The following CTDNEP1 variants were observed in gnomAD, a reference collection of about 807,000 sequenced individuals.
CTDNEP1 encodes C-terminal domain nuclear envelope phosphatase 1.
CTDNEP1 carries 3 observed loss-of-function variants against 30.1 expected under a neutral mutation model. The observed-to-expected ratio is 0.10, with a 90% CI of 0.05 to 0.26. CTDNEP1 has a LOEUF of 0.26. Among genes scored for constraint, CTDNEP1 ranks in the 10% least tolerant of loss-of-function variants. CTDNEP1 has a pLI of 1.00. For synonymous variants in CTDNEP1, 123 were observed against 118.8 expected, an observed-to-expected ratio of 1.04 and a Z score of -0.23; for missense variants, 158 against 310.4, an observed-to-expected ratio of 0.51 and a Z score of 3.69.
At chr17:7,244,430 C>A in intron 7 of CTDNEP1, 121 bp downstream of exon 7, 1 of 1,238,852 alleles carries the variant, frequency 8.1e-7, no homozygotes, top group Non-Finnish European at 1.2e-6. Context: ...GACCTGGGTC[C>A]AAATGTTAAA....
intron 1 of CTDNEP1, among the ~76,000 whole-genome samples, chr17:7,249,644 G>A (rs1391663965): frequency 1.3e-5 from 2 of 152,208 alleles, no homozygotes; most frequent in African/African-American, 4.8e-5. Context: ...GAGGCCGGGT[G>A]CAGTGGCTCA....
In CTDNEP1 at chr17:7,246,238, T is replaced by A; in HGVS notation, c.477+16A>T. On this transcript the variant is annotated intron_variant, in intron 5 of 7. Coordinates refer to ENST00000574322, the MANE Select transcript of CTDNEP1 (RefSeq NM_001143775.2). This position sits in a 1 kb window ranked among gnomAD's most constrained non-coding sequence, Gnocchi z 4.9. Reference sequence around the variant, plus strand: ...TCCCTCCCAAGCCACACTCTTAGACTGGGATTCTAGCTTACCTGTCTGTAA... The same window carrying A: ...TCCCTCCCAAGCCACACTCTTAGACAGGGATTCTAGCTTACCTGTCTGTAA... 1 of 1,599,482 alleles carries A rather than the reference T, an allele frequency of 6.3e-7. No homozygotes were observed. The highest frequency in any genetic ancestry group is 8.6e-7 in the Non-Finnish European group (1 of 1,166,720).
Position 7,246,961 on chromosome 17 carries a change from G to A in CTDNEP1, c.289-99C>T, listed in dbSNP as rs1368182035. On this transcript the variant is annotated intron_variant, in intron 3 of 7. Coordinates refer to ENST00000574322, the MANE Select transcript of CTDNEP1 (RefSeq NM_001143775.2). This position sits in a 1 kb window ranked among gnomAD's most constrained non-coding sequence, Gnocchi z 4.9. ...TGCTTCCCTCCTCCAGGCTGACACT[G>A]GTGCCAGCGGATGGAGACAGATGCT... is the stretch of plus-strand genomic sequence containing the variant. 2.1e-6 allele frequency: 3 copies of A among 1,396,824 alleles called. No individual in the cohort carries two copies. Among genetic ancestry groups the A allele is most frequent in the Non-Finnish European group, 2.0e-6 (2 of 986,994 alleles). The allele number at this position is 1,396,824 out of a possible 1,614,324, so 86.5% of individuals were successfully genotyped here.
rs779364211 is a variant in CTDNEP1 at position 7,244,676 on chromosome 17, AAG to A, written c.590-43_590-42del. 2.8e-6 allele frequency: 4 copies of A among 1,420,832 alleles called. No individual in the cohort carries two copies. The South Asian group carries it at 5.1e-5, about 18-fold the overall frequency. 88.0% of individuals were successfully genotyped at this position (1,420,832 alleles called of 1,614,324 possible). A position where few individuals can be genotyped will look rare whatever the true frequency, so the allele number is the denominator to read the frequency against. On this transcript the variant is annotated intron_variant, in intron 6 of 7. Coordinates refer to ENST00000574322, the MANE Select transcript of CTDNEP1 (RefSeq NM_001143775.2). ...ATGCAGATGAGAAGAAACAGAATTC[AAG>A]AGAGACGGTGTTTTTCTCTTCTTGG...
In CTDNEP1 at chr17:7,246,645, G is replaced by A. The variant is rs1225599326; in HGVS notation, c.360+146C>T. 1.1e-5 allele frequency: 8 copies of A among 708,664 alleles called. No homozygotes were observed. The highest frequency in any genetic ancestry group is 1.7e-5 in the Non-Finnish European group (7 of 400,266). The allele number at this position is 708,664 out of a possible 1,614,324, so 43.9% of individuals were successfully genotyped here. A position where few individuals can be genotyped will look rare whatever the true frequency, so the allele number is the denominator to read the frequency against. On this transcript the variant is annotated intron_variant, in intron 4 of 7. Transcript: ENST00000574322. This position sits in a 1 kb window ranked among gnomAD's most constrained non-coding sequence, Gnocchi z 4.9. Reference sequence around the variant, plus strand: ...AACAAATGAACCCCAAGTACTGAAAGCCACTCCCCTACCATTACACAGCCT... The same window carrying A: ...AACAAATGAACCCCAAGTACTGAAAACCACTCCCCTACCATTACACAGCCT...
chr17:7,245,904 A>C (rs2071831120), intron 6 of CTDNEP1, 122 bp downstream of exon 6: 3 of 651,690 alleles, frequency 4.6e-6, no homozygotes, highest in Admixed American at 5.1e-5. Flanking sequence ...ATTTCGACTT[A>C]CAGCAAACTA....
chr17:7,247,572 A>C (rs1278955450), intron 1 of CTDNEP1, among the ~76,000 whole-genome samples: 1 of 150,692 alleles, frequency 6.6e-6, no homozygotes. Flanking sequence ...AGGTTCAAGC[A>C]ATTCTCCTGC....
chr17:7,248,599 C>T (rs2071874954), intron 1 of CTDNEP1, among the ~76,000 whole-genome samples: 1 of 151,886 alleles, frequency 6.6e-6, no homozygotes, highest in Non-Finnish European at 1.5e-5. Context: ...CCTCATGATC[C>T]ACCTGCCTCA....
intron 7 of CTDNEP1, 132 bp downstream of exon 7, chr17:7,244,419 C>T (rs1480935359): frequency 3.4e-6 from 4 of 1,189,660 alleles, no homozygotes; most frequent in Admixed American, 1.9e-5. Context: ...TGAAGTAAGA[C>T]GACCTGGGTC....
intron 6 of CTDNEP1, chr17:7,244,944 G>GC (rs1330839105): frequency 4.5e-5 from 12 of 268,484 alleles, no homozygotes; most frequent in African/African-American, 6.9e-5. Context: ...GATCACTTGA[G>GC]CTCAGGAGTT....
chr17:7,243,634 GA>G lies in CTDNEP1; in HGVS notation c.*550del, dbSNP rs1189989394. 6.5e-6 allele frequency: 1 copy of G among 153,748 alleles called. No individual in the cohort carries two copies. Among genetic ancestry groups the G allele is most frequent in the Non-Finnish European group, 1.5e-5 (1 of 68,894 alleles). 9.5% of individuals were successfully genotyped at this position (153,748 alleles called of 1,614,324 possible). A position where few individuals can be genotyped will look rare whatever the true frequency, so the allele number is the denominator to read the frequency against. ...ATGCATGGTTTAAAAGAGAGAAAAGGAAAAAAGACACAAAGCTGGTTACAGG... is the reference window on the plus strand; with the variant it reads ...ATGCATGGTTTAAAAGAGAGAAAAGGAAAAAGACACAAAGCTGGTTACAGG... On this transcript the variant is annotated 3_prime_UTR_variant, in exon 8 of 8. Coordinates refer to ENST00000574322, the MANE Select transcript of CTDNEP1 (RefSeq NM_001143775.2).
chr17:7,246,344 C>T lies in CTDNEP1; in HGVS notation c.387G>A (p.Val129=), dbSNP rs1457632350. The T allele has an allele frequency of 1.7e-5, 28 of 1,613,710 alleles. No homozygotes were observed. The highest frequency in any genetic ancestry group is 2.4e-5 in the Non-Finnish European group (28 of 1,179,962). ...CATAGATCTCCATGCTTGCTGTAAA[C>T]ACCACCAGCTCGTACCACTGGCTCA... ...EVVSQWYELV[V]FTASMEIYGS... is the part of the protein sequence containing the mutation. The change falls in exon 5 of 8, where the codon GTG becomes GTA. Residue 129 remains valine (V), a synonymous_variant. Coordinates refer to ENST00000574322, the MANE Select transcript of CTDNEP1 (RefSeq NM_001143775.2). The surrounding 1 kb of genome is among the most constrained non-coding windows in gnomAD (Gnocchi z 4.9).
At chr17:7,248,260 A>C (rs55806613) in intron 1 of CTDNEP1, among the ~76,000 whole-genome samples, 1,236 of 93,874 alleles carry the variant, frequency 0.013, 27 homozygotes, top group African/African-American at 0.082. Flanking sequence ...ACTCCGTCGC[A>C]AAAAAAAAAA....
chr17:7,244,439 A>C (rs2142998213), intron 7 of CTDNEP1, 112 bp downstream of exon 7: 2 of 1,273,830 alleles, frequency 1.6e-6, no homozygotes, highest in Non-Finnish European at 1.1e-6. Flanking sequence ...CCAAATGTTA[A>C]ATTCTTAAGG....
At chr17:7,244,467 G>C in intron 7 of CTDNEP1, 84 bp downstream of exon 7, 5 of 1,384,886 alleles carry the variant, frequency 3.6e-6, no homozygotes, top group Non-Finnish European at 5.1e-6. Flanking sequence ...GTTAAAACAG[G>C]ACAAACCTTT....
chr17:7,249,683 G>A (rs1370058964), intron 1 of CTDNEP1, among the ~76,000 whole-genome samples: 1 of 152,168 alleles, frequency 6.6e-6, no homozygotes, highest in Non-Finnish European at 1.5e-5. Context: ...GGCCAAGGCG[G>A]GCAGATCACT....
chr17:7,247,565 T>G (rs2071858556), intron 1 of CTDNEP1, among the ~76,000 whole-genome samples: 1 of 150,530 alleles, frequency 6.6e-6, no homozygotes, highest in Admixed American at 6.6e-5. Flanking sequence ...GCCTCCCAGG[T>G]TCAAGCAATT....
At position 7,247,261 on chromosome 17, in the gene CTDNEP1, C is replaced by T; in HGVS notation, c.169+16G>A. 6.2e-7 allele frequency: 1 copy of T among 1,613,592 alleles called. No individual in the cohort carries two copies. On this transcript the variant is annotated intron_variant, in intron 2 of 7. Transcript: ENST00000574322. ...CCCTACTTCACCCTAAAGGAGGCTT[C>T]CCACCACATACTTACCTAGCCGATT...
At chr17:7,250,944 A>C (rs1358324605) in intron 1 of CTDNEP1, among the ~76,000 whole-genome samples, 1 of 152,080 alleles carries the variant, frequency 6.6e-6, no homozygotes, top group Non-Finnish European at 1.5e-5. Context: ...CCACCACCTT[A>C]GCCCCCAAGA....
Sources: allele counts gnomAD v4.1 joint callset (sites outside exome capture counted in the v4.1 genomes callset), GRCh38; gene constraint gnomAD v4.1.1; non-coding constraint Gnocchi (gnomAD v3.1); transcripts MANE v1.5; gene names NCBI Gene and HGNC (gene_info 2026-07-23, HGNC 2026-07-21).